Variants in TBC1D5 observed in about 807,000 individuals in gnomAD.
The protein encoded by TBC1D5 is TBC1 domain family member 5.
In TBC1D5, 75 loss-of-function variants were observed where a neutral mutation model predicts 100.3. The observed-to-expected ratio is 0.75, with a 90% CI of 0.62 to 0.91. The LOEUF is 0.91. Ranked by LOEUF, TBC1D5 falls within the 40% of genes least tolerant of loss-of-function variation. The pLI is 0.00. For synonymous variants in TBC1D5, 323 were observed against 325.6 expected (o/e 0.99, Z 0.09); for missense variants, 910 against 942.4 (o/e 0.97, Z 0.45).
intron 2 of TBC1D5, among the ~76,000 whole-genome samples, chr3:17,559,740 C>A (rs1019339624): frequency 2.0e-5 from 3 of 151,946 alleles, no homozygotes; most frequent in Non-Finnish European, 2.9e-5. Flanking sequence ...CAGGCGCCCA[C>A]GACCATGCCC....
intron 16 of TBC1D5, among the ~76,000 whole-genome samples, chr3:17,241,875 CA>C (rs991230850): frequency 6.6e-6 from 1 of 151,956 alleles, no homozygotes; most frequent in Non-Finnish European, 1.5e-5. Flanking sequence ...AAAAAAAACC[CA>C]AAAAAACCCC....
intron 1 of TBC1D5, among the ~76,000 whole-genome samples, chr3:17,636,197 A>G (rs1027531125): frequency 2.6e-5 from 4 of 152,180 alleles, no homozygotes; most frequent in African/African-American, 9.7e-5. Context: ...AAGAAAAAAA[A>G]GAATGTTTTT....
intron 13 of TBC1D5, among the ~76,000 whole-genome samples, chr3:17,335,742 G>A (rs552176875): frequency 6.6e-6 from 1 of 152,132 alleles, no homozygotes; most frequent in Admixed American, 6.6e-5. Context: ...TTACTCAGGG[G>A]GGGTTTCAGC....
intron 10 of TBC1D5, among the ~76,000 whole-genome samples, chr3:17,374,898 GAACT>G (rs1198761732): frequency 1.3e-5 from 2 of 152,072 alleles, no homozygotes; most frequent in Admixed American, 6.5e-5. Context: ...TATGCGACAT[GAACT>G]ATCTAATTAT....
At chr3:17,323,678 C>T (rs1325202738) in intron 13 of TBC1D5, among the ~76,000 whole-genome samples, 2 of 151,742 alleles carry the variant, frequency 1.3e-5, no homozygotes, top group African/African-American at 4.8e-5. Flanking sequence ...AAAAGATAAT[C>T]ACAAAGCCCT....
chr3:17,742,265 A>C (rs1409145092), upstream of TBC1D5, among the ~76,000 whole-genome samples: 2 of 152,056 alleles, frequency 1.3e-5, no homozygotes, highest in African/African-American at 4.8e-5. Flanking sequence ...GCGGTGCGGC[A>C]ACCCGTCCGC....
chr3:17,686,797 T>C (rs2070349149), intron 1 of TBC1D5, among the ~76,000 whole-genome samples: 1 of 152,142 alleles, frequency 6.6e-6, no homozygotes, highest in Non-Finnish European at 1.5e-5. Context: ...GCATTTTGTG[T>C]GTCACAACTA....
At position 17,525,589 on chromosome 3, in the gene TBC1D5, G is replaced by GA. The variant is rs368335247; in HGVS notation, c.-35-16985dup. The stretch of plus-strand genomic sequence containing the variant: ...ACTTTATAAAGCTTACTACTGTTCA[G>GA]AAAAAATCCATATTGGTGATTAAAT... On this transcript the variant is annotated intron_variant, in intron 2 of 21. Transcript: ENST00000253692. Among the ~76,000 whole-genome samples, 676 of 152,068 alleles carry GA rather than the reference G, an allele frequency of 4.4e-3. 4 individuals are homozygous for GA. The highest frequency in any genetic ancestry group is 0.014 in the African/African-American group (597 of 41,428).
At chr3:17,529,686 G>A (rs940112675) in intron 2 of TBC1D5, among the ~76,000 whole-genome samples, 2 of 150,692 alleles carry the variant, frequency 1.3e-5, no homozygotes, top group South Asian at 2.1e-4. Context: ...TTGTTCTGTC[G>A]GCCAGGCTGG....
intron 16 of TBC1D5, among the ~76,000 whole-genome samples, chr3:17,247,013 G>GT (rs201431682): frequency 2.7e-4 from 41 of 151,958 alleles, no homozygotes; most frequent in African/African-American, 7.5e-4. Context: ...GTAAACACCT[G>GT]TTTTTTTTCA....
chr3:17,563,204 T>C (rs2096570786), intron 2 of TBC1D5, among the ~76,000 whole-genome samples: 1 of 152,204 alleles, frequency 6.6e-6, no homozygotes, highest in African/African-American at 2.4e-5. Flanking sequence ...AAGAATATAA[T>C]AAATTTAATT....
chr3:17,539,486 C>CA (rs1317477045), intron 2 of TBC1D5, among the ~76,000 whole-genome samples: 36 of 152,140 alleles, frequency 2.4e-4, no homozygotes, highest in African/African-American at 8.0e-4. Context: ...TATTTTGGGG[C>CA]AAAATACTAC....
chr3:17,703,440 T>C (rs937374556), intron 1 of TBC1D5, among the ~76,000 whole-genome samples: 26 of 152,140 alleles, frequency 1.7e-4, no homozygotes, highest in Admixed American at 3.3e-4. Flanking sequence ...TATTAAACAT[T>C]AATATACTTT....
At chr3:17,614,336 G>C (rs1181924351) in intron 2 of TBC1D5, among the ~76,000 whole-genome samples, 8 of 152,162 alleles carry the variant, frequency 5.3e-5, no homozygotes, top group Non-Finnish European at 8.8e-5. Context: ...CTCCAGCTTT[G>C]TTCTCTTCGC....
chr3:17,535,534 A>G (rs1291292355), intron 2 of TBC1D5, among the ~76,000 whole-genome samples: 1 of 152,178 alleles, frequency 6.6e-6, no homozygotes, highest in Non-Finnish European at 1.5e-5. Context: ...TGTTTCCATT[A>G]TAAACTCTGG....
intron 2 of TBC1D5, among the ~76,000 whole-genome samples, chr3:17,516,390 G>A (rs1412476191): frequency 6.6e-6 from 1 of 151,942 alleles, no homozygotes; most frequent in Non-Finnish European, 1.5e-5. Context: ...TTTAAAGAAA[G>A]AAAGAATTCA....
chr3:17,553,120 C>G (rs112253016), intron 2 of TBC1D5, among the ~76,000 whole-genome samples: 3 of 152,012 alleles, frequency 2.0e-5, no homozygotes, highest in African/African-American at 7.2e-5. Flanking sequence ...CACCATATTT[C>G]AGACAAAAGA....
intron 8 of TBC1D5, among the ~76,000 whole-genome samples, chr3:17,388,697 A>AG (rs2093252939): frequency 6.6e-6 from 1 of 151,318 alleles, no homozygotes; most frequent in Non-Finnish European, 1.5e-5. Context: ...AAAAAAAAAA[A>AG]AAAAAGTAAA....
At chr3:17,321,366 A>G (rs2085380708) in intron 13 of TBC1D5, among the ~76,000 whole-genome samples, 1 of 152,248 alleles carries the variant, frequency 6.6e-6, no homozygotes, top group Non-Finnish European at 1.5e-5. Flanking sequence ...ATTTTAAACT[A>G]TGTAAATGAA....
Sources: allele counts gnomAD v4.1 joint callset (sites outside exome capture counted in the v4.1 genomes callset), GRCh38; gene constraint gnomAD v4.1.1; transcripts MANE v1.5; gene names NCBI Gene and HGNC (gene_info 2026-07-23, HGNC 2026-07-21).